BIRC2: variants seen among roughly 807,000 people sequenced by gnomAD.
The protein encoded by BIRC2 is baculoviral IAP repeat-containing protein 2.
Under a neutral mutation model 60.9 loss-of-function variants are expected in BIRC2, and 18 were observed. The observed-to-expected ratio is 0.30, with a 90% CI of 0.20 to 0.44. The LOEUF (loss-of-function observed/expected upper bound fraction) is 0.44, where lower values mean the gene tolerates loss of function less well. Among genes scored for constraint, BIRC2 ranks in the 20% least tolerant of loss-of-function variants. The pLI, the probability that BIRC2 is intolerant of heterozygous loss-of-function variation, is 1.00. For synonymous variants in BIRC2, 282 were observed against 247.7 expected, an observed-to-expected ratio of 1.14 and a Z score of -1.30; for missense variants, 701 against 728.5, an observed-to-expected ratio of 0.96 and a Z score of 0.43.
Position 102,348,964 on chromosome 11 carries a change from TA to T in BIRC2, c.-886del, listed in dbSNP as rs1015830400. Reference sequence around the variant, plus strand: ...GGTTATTTAGTTTTTAAATGCAGTGTAAAAAGTGTGCTGTGGAAATTTTATG... The same window carrying T: ...GGTTATTTAGTTTTTAAATGCAGTGTAAAAGTGTGCTGTGGAAATTTTATG... On this transcript the variant is annotated 5_prime_UTR_variant, in exon 2 of 9. The change creates a premature stop within an existing upstream ORF in the 5' untranslated region. Coordinates refer to ENST00000227758, the MANE Select transcript of BIRC2 (RefSeq NM_001166.5). 2 of 156,222 alleles carry T rather than the reference TA, an allele frequency of 1.3e-5. No homozygotes were observed. The highest frequency in any genetic ancestry group is 4.8e-5 in the African/African-American group (2 of 41,484). 9.7% of individuals were successfully genotyped at this position (156,222 alleles called of 1,614,324 possible).
intron 3 of BIRC2, among the ~76,000 whole-genome samples, chr11:102,351,529 C>T (rs1240033974): frequency 2.8e-5 from 4 of 144,390 alleles, no homozygotes; most frequent in South Asian, 2.3e-4. Flanking sequence ...ACAGGAGAAT[C>T]GCTTGAGCTC....
chr11:102,377,925 G>C (rs1176021316), intron 8 of BIRC2, 27 bp downstream of exon 8: 1 of 1,608,362 alleles, frequency 6.2e-7, no homozygotes, highest in Admixed American at 1.7e-5. Flanking sequence ...AAACCAACAT[G>C]AACTATTACC....
chr11:102,351,946 T>G (rs1280975892), intron 3 of BIRC2, among the ~76,000 whole-genome samples: 1 of 152,174 alleles, frequency 6.6e-6, no homozygotes, highest in African/African-American at 2.4e-5. Flanking sequence ...AGTGTATAGT[T>G]GTGTGTCATT....
At position 102,351,040 on chromosome 11, in the gene BIRC2, G is replaced by A; in HGVS notation, c.995+97G>A. On this transcript the variant is annotated intron_variant, in intron 3 of 8. Transcript: ENST00000227758. Reference sequence around the variant, plus strand: ...TTGTTTACCTTTAAATTATAACAAAGCCTCTTTTATGCCATTGGGGAATTA... The same window carrying A: ...TTGTTTACCTTTAAATTATAACAAAACCTCTTTTATGCCATTGGGGAATTA... The A allele has an allele frequency of 3.6e-6, 4 of 1,111,518 alleles. No individual in the cohort carries two copies. The East Asian group carries it at 9.5e-5, about 26-fold the overall frequency. The allele number at this position is 1,111,518 out of a possible 1,614,324, so 68.9% of individuals were successfully genotyped here. A position where few individuals can be genotyped will look rare whatever the true frequency, so the allele number is the denominator to read the frequency against.
At chr11:102,362,723 A>G (rs890535937) in intron 3 of BIRC2, 173 bp from the exon 4 acceptor site, 104 of 530,700 alleles carry the variant, frequency 2.0e-4, no homozygotes, top group Non-Finnish European at 2.9e-4. Flanking sequence ...AGAAGGATGT[A>G]TATTGTTTTA....
At chr11:102,360,110 G>A (rs1951469140) in intron 3 of BIRC2, among the ~76,000 whole-genome samples, 1 of 151,908 alleles carries the variant, frequency 6.6e-6, no homozygotes, top group South Asian at 2.1e-4. Context: ...GGGACTACAG[G>A]TGTGCACCAC....
chr11:102,369,941 T>G (rs1465301401), intron 6 of BIRC2, among the ~76,000 whole-genome samples: 4 of 151,802 alleles, frequency 2.6e-5, no homozygotes, highest in African/African-American at 9.7e-5. Context: ...TTTCATGTGT[T>G]TTTTGGCTGC....
At chr11:102,356,140 G>A (rs1321169673) in intron 3 of BIRC2, among the ~76,000 whole-genome samples, 3 of 151,108 alleles carry the variant, frequency 2.0e-5, no homozygotes, top group Admixed American at 1.3e-4. Flanking sequence ...TTGAATAGAC[G>A]TGGCAAGAGT....
At chr11:102,359,017 T>A (rs1453651641) in intron 3 of BIRC2, among the ~76,000 whole-genome samples, 1 of 152,228 alleles carries the variant, frequency 6.6e-6, no homozygotes, top group Non-Finnish European at 1.5e-5. Flanking sequence ...TCTGATTGTT[T>A]GGCAGATTAT....
intron 4 of BIRC2, 94 bp from the exon 5 acceptor site, chr11:102,363,574 T>C (rs1951509361): frequency 2.2e-6 from 2 of 901,636 alleles, no homozygotes; most frequent in African/African-American, 1.7e-5. Flanking sequence ...AAAGAACATA[T>C]ACATTTACTT....
rs753411392 is a variant in BIRC2 at position 102,378,035 on chromosome 11, C to T, written c.1709C>T (p.Thr570Ile). 2 of 1,612,526 alleles carry T rather than the reference C, an allele frequency of 1.2e-6. No homozygotes were observed. The highest frequency in any genetic ancestry group is 1.7e-6 in the Non-Finnish European group (2 of 1,179,458). Residue 570 changes from threonine to isoleucine, a missense_variant, in exon 9 of 9, where the codon ACT (threonine) becomes ATT (isoleucine). By Grantham distance (89) the Thr-to-Ile change is moderately conservative (BLOSUM62 -1). This residue lies in a region of BIRC2 where 52 missense variants were observed against 83.9 expected (regional missense o/e 0.62). Transcript: ENST00000227758. ...TTGAGGAGGTTGCAAGAAGAACGAACTTGTAAAGTGTGTATGGACAAAGAA... is the reference window on the plus strand; with the variant it reads ...TTGAGGAGGTTGCAAGAAGAACGAATTTGTAAAGTGTGTATGGACAAAGAA... The part of the protein sequence containing the change: ...EQLRRLQEER[T>I]CKVCMDKEVS...
intron 3 of BIRC2, among the ~76,000 whole-genome samples, chr11:102,361,427 T>G (rs1022896219): frequency 4.0e-5 from 6 of 151,872 alleles, no homozygotes; most frequent in African/African-American, 1.5e-4. Context: ...CTGGGGCATA[T>G]GTGGGGGTTA....
intron 5 of BIRC2, among the ~76,000 whole-genome samples, chr11:102,366,940 T>A (rs537154204): frequency 6.6e-6 from 1 of 152,250 alleles, no homozygotes; most frequent in African/African-American, 2.4e-5. Context: ...TCTTTCTGTT[T>A]CTTGATCATG....
At chr11:102,358,832 C>T (rs1951453019) in intron 3 of BIRC2, among the ~76,000 whole-genome samples, 1 of 152,046 alleles carries the variant, frequency 6.6e-6, no homozygotes, top group South Asian at 2.1e-4. Flanking sequence ...TATCTTTTTT[C>T]CTATACCCAT....
intron 6 of BIRC2, among the ~76,000 whole-genome samples, chr11:102,369,282 T>G (rs1951593716): frequency 6.7e-6 from 1 of 148,218 alleles, no homozygotes. Flanking sequence ...TCATCTAGCA[T>G]TAGGTATATC....
chr11:102,361,381 A>C (rs1263785036), intron 3 of BIRC2, among the ~76,000 whole-genome samples: 1 of 152,238 alleles, frequency 6.6e-6, no homozygotes, highest in Admixed American at 6.5e-5. Flanking sequence ...AAGGTCTTAC[A>C]TGAAGGTACA....
intron 6 of BIRC2, among the ~76,000 whole-genome samples, chr11:102,375,933 CACTTT>C (rs1951707826): frequency 6.6e-6 from 1 of 151,658 alleles, no homozygotes; most frequent in Middle Eastern, 3.4e-3. Context: ...GCAAATAAAA[CACTTT>C]AACACAGCTC....
In BIRC2 at chr11:102,355,369, A is replaced by G. The variant is rs1392649701; in HGVS notation, c.995+4426A>G. ...TTTCCCAACACCGTTTGTTAAAGAG[A>G]CTTATCATTTCAACATTGTGTGTTC... On this transcript the variant is annotated intron_variant, in intron 3 of 8. Transcript: ENST00000227758. 2.0e-5 allele frequency among the ~76,000 whole-genome samples: 3 copies of G among 152,170 alleles called. No individual in the cohort carries two copies. In the East Asian group the frequency reaches 5.8e-4, roughly 29 times the overall value.
At chr11:102,356,659 ATATTAT>A (rs371049106) in intron 3 of BIRC2, among the ~76,000 whole-genome samples, 2 of 148,372 alleles carry the variant, frequency 1.3e-5, no homozygotes, top group African/African-American at 2.5e-5. Flanking sequence ...TGAGATGTTT[ATATTAT>A]TATTATTATT....
Sources: gnomAD v4.1 joint callset for allele counts (sites outside exome capture counted in the v4.1 genomes callset) on GRCh38, gnomAD v4.1.1 for gene constraint, gnomAD v4.1.1 regional missense constraint, MANE v1.5 for transcripts, NCBI Gene and HGNC (gene_info 2026-07-23, HGNC 2026-07-21) for gene names.